GSG1L: variants seen among roughly 807,000 people sequenced by gnomAD.
GSG1L encodes germ cell-specific gene 1-like protein.
In GSG1L, 24 loss-of-function variants were observed where a neutral mutation model predicts 42.1. The observed-to-expected ratio is 0.57, with a 90% CI of 0.41 to 0.80. GSG1L has a LOEUF of 0.80. GSG1L is among the 30% of genes least tolerant of loss of function. The pLI, the probability that GSG1L is intolerant of heterozygous loss-of-function variation, is 0.00. For synonymous variants in GSG1L, 215 were observed against 203.5 expected (o/e 1.06, Z -0.48); for missense variants, 445 against 472.2 (o/e 0.94, Z 0.53).
chr16:27,932,148 G>A (rs1985880), intron 2 of GSG1L, among the ~76,000 whole-genome samples: 98,768 of 151,916 alleles, frequency 0.65, 32,865 homozygotes, highest in South Asian at 0.75. Context: ...TGTCTCCTGG[G>A]TTCAAGTAAT....
At chr16:28,029,070 C>A (rs2085929104) in intron 1 of GSG1L, among the ~76,000 whole-genome samples, 1 of 152,222 alleles carries the variant, frequency 6.6e-6, no homozygotes, top group South Asian at 2.1e-4. Flanking sequence ...GGAGCTGTAT[C>A]TGAGGCCTGT....
intron 1 of GSG1L, among the ~76,000 whole-genome samples, chr16:28,036,878 C>T (rs536203636): frequency 7.9e-5 from 12 of 152,328 alleles, no homozygotes; most frequent in African/African-American, 2.6e-4. Flanking sequence ...CTCCTCTTTC[C>T]TTAAGCATTT....
chr16:28,048,582 G>A (rs1024545662), intron 1 of GSG1L, among the ~76,000 whole-genome samples: 9 of 152,124 alleles, frequency 5.9e-5, no homozygotes, highest in East Asian at 5.8e-4. Flanking sequence ...AATTTTTAAC[G>A]TTCTACTAAA....
intron 1 of GSG1L, among the ~76,000 whole-genome samples, chr16:28,044,455 T>C (rs1205759714): frequency 1.3e-5 from 2 of 152,174 alleles, no homozygotes; most frequent in Admixed American, 6.5e-5. Flanking sequence ...AAGCTGCACA[T>C]ACATGTTTAT....
chr16:28,018,106 G>T lies in GSG1L; in HGVS notation c.349+44970C>A, dbSNP rs1170676261. ...ATAGAGCCAGCACAACAAAATTCAA[G>T]CCTTTATCGGTATTTAAGGAGCACC... On this transcript the variant is annotated intron_variant, in intron 1 of 6. Coordinates refer to ENST00000447459, the MANE Select transcript of GSG1L (RefSeq NM_001109763.2). Among the ~76,000 whole-genome samples, 5 of 152,240 alleles carry T rather than the reference G, an allele frequency of 3.3e-5. No individual in the cohort carries two copies. In the South Asian group the frequency reaches 6.2e-4, roughly 19 times the overall value.
intron 5 of GSG1L, among the ~76,000 whole-genome samples, chr16:27,812,838 G>T (rs2083048018): frequency 6.6e-6 from 1 of 151,790 alleles, no homozygotes; most frequent in African/African-American, 2.4e-5. Flanking sequence ...ACCCAGGCTG[G>T]AGTGAAGTGG....
chr16:28,030,298 C>A (rs1184009911), intron 1 of GSG1L, among the ~76,000 whole-genome samples: 1 of 152,154 alleles, frequency 6.6e-6, no homozygotes, highest in African/African-American at 2.4e-5. Flanking sequence ...ACATTCCTCA[C>A]ACCTCAGTGG....
intron 4 of GSG1L, among the ~76,000 whole-genome samples, chr16:27,833,705 A>T (rs559827971): frequency 1.3e-5 from 2 of 152,104 alleles, no homozygotes; most frequent in Non-Finnish European, 2.9e-5. Context: ...CTTTTTTAGT[A>T]TAAATGATAT....
At chr16:27,812,604 A>G (rs1032393459) in intron 5 of GSG1L, among the ~76,000 whole-genome samples, 1 of 151,846 alleles carries the variant, frequency 6.6e-6, no homozygotes, top group Admixed American at 6.6e-5. Flanking sequence ...CCACCACGGG[A>G]GTTTTTAATT....
intron 3 of GSG1L, among the ~76,000 whole-genome samples, chr16:27,861,726 T>G (rs1398986466): frequency 6.6e-6 from 1 of 152,168 alleles, no homozygotes; most frequent in Admixed American, 6.5e-5. Context: ...CCAAAGCATA[T>G]TCCTGACCCA....
At chr16:27,934,315 G>A (rs1359605877) in intron 2 of GSG1L, among the ~76,000 whole-genome samples, 1 of 152,178 alleles carries the variant, frequency 6.6e-6, no homozygotes, top group Non-Finnish European at 1.5e-5. Flanking sequence ...AGGCCAAGGT[G>A]GGAGGATCAC....
intron 1 of GSG1L, among the ~76,000 whole-genome samples, chr16:28,056,624 A>G (rs2086282311): frequency 6.6e-6 from 1 of 151,904 alleles, no homozygotes; most frequent in South Asian, 2.1e-4. Flanking sequence ...ATAATAAAAA[A>G]TATATATTAA....
intron 3 of GSG1L, among the ~76,000 whole-genome samples, chr16:27,859,941 C>A (rs566623934): frequency 1.2e-3 from 185 of 152,246 alleles, no homozygotes; most frequent in African/African-American, 4.1e-3. Flanking sequence ...CTCTGCCTCC[C>A]AAAGTGCTGG....
intron 2 of GSG1L, among the ~76,000 whole-genome samples, chr16:27,910,022 T>C (rs1596605987): frequency 6.7e-6 from 1 of 148,786 alleles, no homozygotes; most frequent in African/African-American, 2.5e-5. Flanking sequence ...TGTAGTGGCA[T>C]GATCTCAGCT....
chr16:27,993,284 G>C (rs2085475049), intron 1 of GSG1L, among the ~76,000 whole-genome samples: 4 of 152,084 alleles, frequency 2.6e-5, no homozygotes, highest in Admixed American at 2.6e-4. Flanking sequence ...AAGTAGACAG[G>C]ACTACAGGCA....
intron 2 of GSG1L, among the ~76,000 whole-genome samples, chr16:27,910,508 C>T (rs2084375863): frequency 6.6e-6 from 1 of 152,152 alleles, no homozygotes; most frequent in Non-Finnish European, 1.5e-5. Context: ...TGCTTAAGGT[C>T]ACACAACTAG....
intron 4 of GSG1L, among the ~76,000 whole-genome samples, chr16:27,833,046 A>G (rs1406483877): frequency 6.6e-6 from 1 of 152,220 alleles, no homozygotes; most frequent in South Asian, 2.1e-4. Context: ...CCTAGATTCC[A>G]AAGATTTTCT....
intron 4 of GSG1L, among the ~76,000 whole-genome samples, chr16:27,843,163 C>T (rs1669392373): frequency 6.6e-6 from 1 of 152,174 alleles, no homozygotes; most frequent in African/African-American, 2.4e-5. Context: ...TGGGTAAATG[C>T]TCCCCAACTA....
At chr16:27,941,107 G>A (rs2084788111) in intron 2 of GSG1L, among the ~76,000 whole-genome samples, 1 of 151,858 alleles carries the variant, frequency 6.6e-6, no homozygotes, top group African/African-American at 2.4e-5. Context: ...AGTTCCTTGG[G>A]TATAAAACCA....
Sources: allele counts gnomAD v4.1 joint callset (sites outside exome capture counted in the v4.1 genomes callset), GRCh38; gene constraint gnomAD v4.1.1; transcripts MANE v1.5; gene names NCBI Gene and HGNC (gene_info 2026-07-23, HGNC 2026-07-21).